The following CDH13 variants were observed in gnomAD, a reference collection of about 807,000 sequenced individuals.
CDH13 encodes cadherin 13, also known as cadherin-13.
Under a neutral mutation model 63.8 loss-of-function variants are expected in CDH13, and 24 were observed. That is an observed-to-expected ratio of 0.38 (90% CI 0.27 to 0.53). CDH13 has a LOEUF of 0.53. CDH13 is among the 20% of genes least tolerant of loss of function. The pLI, the probability that CDH13 is intolerant of heterozygous loss-of-function variation, is 0.85. For synonymous variants in CDH13, 503 were observed against 355.3 expected, an observed-to-expected ratio of 1.42 and a Z score of -4.67; for missense variants, 1,049 against 903.1, an observed-to-expected ratio of 1.16 and a Z score of -2.07.
At chr16:83,235,584 T>TTG (rs1555517046) in intron 5 of CDH13, among the ~76,000 whole-genome samples, 2 of 146,404 alleles carry the variant, frequency 1.4e-5, no homozygotes, top group African/African-American at 4.9e-5. Context: ...GTGGTGGTGT[T>TTG]TTTTTTTTTT....
chr16:83,026,555 A>G (rs981647249), intron 2 of CDH13, among the ~76,000 whole-genome samples: 1 of 152,220 alleles, frequency 6.6e-6, no homozygotes, highest in African/African-American at 2.4e-5. Flanking sequence ...ACCTAAACAG[A>G]TATAAGTATA....
chr16:83,029,413 C>T (rs1188470493), intron 2 of CDH13, among the ~76,000 whole-genome samples: 1 of 152,062 alleles, frequency 6.6e-6, no homozygotes, highest in African/African-American at 2.4e-5. Flanking sequence ...GTCCAGATAC[C>T]AGTCGAGAGT....
chr16:83,103,826 GCT>G (rs1175249726), intron 3 of CDH13, among the ~76,000 whole-genome samples: 3 of 152,166 alleles, frequency 2.0e-5, no homozygotes, highest in African/African-American at 7.2e-5. Flanking sequence ...CACAGTAAGT[GCT>G]CTGTCATTTT....
At chr16:83,570,935 TA>T (rs1904551469) in intron 7 of CDH13, among the ~76,000 whole-genome samples, 1 of 93,518 alleles carries the variant, frequency 1.1e-5, no homozygotes. Context: ...TTCATATATT[TA>T]TAACTCATCC....
At chr16:83,598,580 T>G (rs1598350131) in intron 7 of CDH13, among the ~76,000 whole-genome samples, 1 of 152,190 alleles carries the variant, frequency 6.6e-6, no homozygotes, top group East Asian at 1.9e-4. Flanking sequence ...ATTGCAATAG[T>G]TGCAATATTA....
intron 2 of CDH13, among the ~76,000 whole-genome samples, chr16:82,947,346 G>A (rs1904844237): frequency 6.6e-6 from 1 of 152,070 alleles, no homozygotes; most frequent in African/African-American, 2.4e-5. Context: ...GGAGGTGACG[G>A]TCAAGAGTAT....
chr16:83,001,342 C>G (rs1190368970), intron 2 of CDH13, among the ~76,000 whole-genome samples: 1 of 152,196 alleles, frequency 6.6e-6, no homozygotes, highest in Non-Finnish European at 1.5e-5. Flanking sequence ...GTGAATTCCT[C>G]CAACCCATTT....
intron 7 of CDH13, among the ~76,000 whole-genome samples, chr16:83,568,647 C>G (rs1285714945): frequency 1.3e-5 from 2 of 152,174 alleles, no homozygotes; most frequent in African/African-American, 4.8e-5. Flanking sequence ...TGCCTCCTTG[C>G]TGGTAGATGG....
intron 8 of CDH13, among the ~76,000 whole-genome samples, chr16:83,648,847 CCTTT>C (rs1056781708): frequency 5.9e-5 from 9 of 151,882 alleles, no homozygotes; most frequent in African/African-American, 1.7e-4. Context: ...CTTTCTTCTT[CCTTT>C]CTTTGTCTCT....
intron 6 of CDH13, among the ~76,000 whole-genome samples, chr16:83,412,219 T>C (rs2092138766): frequency 1.3e-5 from 2 of 152,220 alleles, no homozygotes; most frequent in Non-Finnish European, 2.9e-5. Flanking sequence ...CCCAGCACTT[T>C]GGGAGGCCAA....
intron 1 of CDH13, among the ~76,000 whole-genome samples, chr16:82,675,524 C>T (rs114246732): frequency 0.019 from 2,860 of 152,262 alleles, 81 homozygotes; most frequent in African/African-American, 0.065. Flanking sequence ...GACTCCTTGG[C>T]CCAGCACAGT....
chr16:83,680,862 T>A (rs1057335106), intron 10 of CDH13, among the ~76,000 whole-genome samples: 1 of 152,070 alleles, frequency 6.6e-6, no homozygotes, highest in African/African-American at 2.4e-5. Flanking sequence ...GCCTCCAGCA[T>A]GATGGAATTC....
At chr16:82,940,833 G>GT (rs1434643304) in intron 2 of CDH13, among the ~76,000 whole-genome samples, 1 of 152,072 alleles carries the variant, frequency 6.6e-6, no homozygotes, top group African/African-American at 2.4e-5. Context: ...CCTAATTGTT[G>GT]TATTTCTCAA....
intron 7 of CDH13, among the ~76,000 whole-genome samples, chr16:83,565,347 A>G (rs1904274485): frequency 1.4e-5 from 2 of 144,564 alleles, no homozygotes; most frequent in Admixed American, 1.4e-4. Flanking sequence ...CCCTGACCTC[A>G]CATGCCCTTG....
intron 3 of CDH13, among the ~76,000 whole-genome samples, chr16:83,090,100 G>T (rs1407366015): frequency 2.0e-5 from 3 of 152,136 alleles, no homozygotes. Flanking sequence ...GGCTTTGACT[G>T]GTCGTCAACC....
chr16:83,416,492 C>T (rs1182414989), intron 6 of CDH13, among the ~76,000 whole-genome samples: 1 of 152,168 alleles, frequency 6.6e-6, no homozygotes, highest in Non-Finnish European at 1.5e-5. Context: ...TTGTGCCTCT[C>T]ATGTTTAAGT....
intron 11 of CDH13, among the ~76,000 whole-genome samples, chr16:83,779,418 A>AAAAG: frequency 6.8e-6 from 1 of 147,716 alleles, no homozygotes; most frequent in Non-Finnish European, 1.5e-5. Context: ...AAAAAAAAAA[A>AAAAG]AAAAAAAAAA....
chr16:83,538,443 T>A (rs2075236401), intron 7 of CDH13, among the ~76,000 whole-genome samples: 1 of 152,160 alleles, frequency 6.6e-6, no homozygotes, highest in Admixed American at 6.5e-5. Context: ...GCGGAAAAAA[T>A]GCAGTCTGAA....
chr16:83,228,344 C>T (rs934140732), intron 5 of CDH13, among the ~76,000 whole-genome samples: 1 of 152,174 alleles, frequency 6.6e-6, no homozygotes, highest in Non-Finnish European at 1.5e-5. Flanking sequence ...GCGTTGGCCA[C>T]TCAGAGGGTC....
Sources: gnomAD v4.1 joint callset for allele counts (sites outside exome capture counted in the v4.1 genomes callset) on GRCh38, gnomAD v4.1.1 for gene constraint, MANE v1.5 for transcripts, NCBI Gene and HGNC (gene_info 2026-07-23, HGNC 2026-07-21) for gene names.